The following LIMS1 variants were observed in gnomAD, a reference collection of about 807,000 sequenced individuals.
The protein encoded by LIMS1 is LIM and senescent cell antigen-like-containing domain protein 1.
A neutral mutation model predicts 44.1 loss-of-function variants in LIMS1; 18 were observed. The observed-to-expected ratio is 0.41, with a 90% CI of 0.28 to 0.61. The LOEUF (loss-of-function observed/expected upper bound fraction) is 0.61. LIMS1 is among the 20% of genes least tolerant of loss of function. The pLI is 0.32. For synonymous variants in LIMS1, 93 were observed against 149.1 expected (o/e 0.62, Z 2.74); for missense variants, 201 against 422.0 (o/e 0.48, Z 4.59).
intron 2 of LIMS1, among the ~76,000 whole-genome samples, chr2:108,668,408 CT>C (rs954428820): frequency 6.0e-4 from 91 of 152,180 alleles, no homozygotes; most frequent in African/African-American, 2.1e-3. Flanking sequence ...CTCTATTTTA[CT>C]CTCTATTTCT....
chr2:108,650,771 C>T (rs1403923615), intron 1 of LIMS1, among the ~76,000 whole-genome samples: 1 of 152,190 alleles, frequency 6.6e-6, no homozygotes, highest in Non-Finnish European at 1.5e-5. Flanking sequence ...TCCTTATTCA[C>T]GACATACAAA....
chr2:108,573,291 G>A (rs1003203498), intron 1 of LIMS1, among the ~76,000 whole-genome samples: 6 of 148,424 alleles, frequency 4.0e-5, no homozygotes, highest in Middle Eastern at 3.2e-3. Flanking sequence ...TGCTTCTCCC[G>A]TTTTCTTTTC....
At chr2:108,674,395 A>C (rs1032495708) in intron 5 of LIMS1, among the ~76,000 whole-genome samples, 5 of 152,072 alleles carry the variant, frequency 3.3e-5, no homozygotes, top group Non-Finnish European at 5.9e-5. Context: ...AAATTATAGT[A>C]GGGATGGAGA....
Position 108,534,459 on chromosome 2 carries a change from C to T in LIMS1, c.-104C>T, listed in dbSNP as rs1297089624. On this transcript the variant is annotated 5_prime_UTR_variant, in exon 1 of 10. Transcript: ENST00000544547. ...CCCTGGCCTTCCTCCCCTTCCTGCT[C>T]CGGGCCCGCCAGTAGCCGGCCGCGG... 7 of 962,594 alleles carry T rather than the reference C, an allele frequency of 7.3e-6. No homozygotes were observed. In the Admixed American group the frequency reaches 1.5e-4, roughly 21 times the overall value. The allele number at this position is 962,594 out of a possible 1,614,324, so 59.6% of individuals were successfully genotyped here.
chr2:108,675,833 A>G lies in LIMS1; in HGVS notation c.531-45A>G, dbSNP rs1426414380. 3 of 1,613,478 alleles carry G rather than the reference A, an allele frequency of 1.9e-6. No homozygotes were observed. The African/African-American group carries it at 4.0e-5, about 22-fold the overall frequency. On this transcript the variant is annotated intron_variant, in intron 5 of 9. Coordinates refer to ENST00000544547, the Ensembl canonical transcript of LIMS1. ...AGTGTGCTAGCCCCATTGGTTGGCCACTTTTCTCTCTTAGTATTAAGCTGT... is the reference window on the plus strand; with the variant it reads ...AGTGTGCTAGCCCCATTGGTTGGCCGCTTTTCTCTCTTAGTATTAAGCTGT...
intron 1 of LIMS1, among the ~76,000 whole-genome samples, chr2:108,559,123 G>A (rs1163816250): frequency 6.6e-6 from 1 of 152,138 alleles, no homozygotes; most frequent in East Asian, 1.9e-4. Context: ...AAATTATTCT[G>A]TATGGGATAA....
intron 1 of LIMS1, among the ~76,000 whole-genome samples, chr2:108,629,956 G>GGA (rs1688802283): frequency 1.3e-5 from 2 of 152,190 alleles, no homozygotes; most frequent in African/African-American, 2.4e-5. Flanking sequence ...ACTTTGGGAG[G>GGA]CCAAGCCGGG....
At chr2:108,647,188 T>G (rs957785554) in intron 1 of LIMS1, among the ~76,000 whole-genome samples, 1 of 152,162 alleles carries the variant, frequency 6.6e-6, no homozygotes, top group Non-Finnish European at 1.5e-5. Flanking sequence ...TGTAAACACC[T>G]CTGCACAAAT....
At chr2:108,660,213 C>T (rs1691257847) in intron 2 of LIMS1, 1 of 475,248 alleles carries the variant, frequency 2.1e-6, no homozygotes, top group Non-Finnish European at 4.3e-6. Context: ...TCCACAACTT[C>T]CCAGCCTCGA....
chr2:108,647,694 A>T (rs562418794), intron 1 of LIMS1, among the ~76,000 whole-genome samples: 2 of 152,204 alleles, frequency 1.3e-5, no homozygotes, highest in Non-Finnish European at 2.9e-5. Context: ...CATCACATAA[A>T]CAGAACCAAT....
rs551605062 is a variant in LIMS1 at position 108,625,577 on chromosome 2, T to TC, written c.33-34018dup. 9.4e-3 allele frequency among the ~76,000 whole-genome samples: 1,293 copies of TC among 137,274 alleles called. 10 individuals are homozygous for TC. Among genetic ancestry groups the TC allele is most frequent in the South Asian group, 0.037 (155 of 4,236 alleles). 90.1% of individuals were successfully genotyped at this position (137,274 alleles called of 152,430 possible). A position where few individuals can be genotyped will look rare whatever the true frequency, so the allele number is the denominator to read the frequency against. On this transcript the variant is annotated intron_variant, in intron 1 of 9. Transcript: ENST00000544547. Reference sequence around the variant, plus strand: ...GTCAGCCATTTGAAAAGAATATGAATCCCCCCCCCCAAAAAAATGCAGTTT... The same window carrying TC: ...GTCAGCCATTTGAAAAGAATATGAATCCCCCCCCCCCAAAAAAATGCAGTTT...
intron 1 of LIMS1, among the ~76,000 whole-genome samples, chr2:108,637,599 C>T (rs1689365062): frequency 6.6e-6 from 1 of 152,222 alleles, no homozygotes; most frequent in Non-Finnish European, 1.5e-5. Flanking sequence ...CCTAAGTCAG[C>T]ATTCCTAGCT....
chr2:108,686,586 A>C (rs1693319545), exon 10 of LIMS1: 1 of 151,618 alleles, frequency 6.6e-6, no homozygotes, highest in African/African-American at 2.4e-5. Context: ...CCTGGCTAAC[A>C]AGGTGAAACC....
chr2:108,535,518 T>A (rs967432247), intron 1 of LIMS1, among the ~76,000 whole-genome samples: 1 of 152,226 alleles, frequency 6.6e-6, no homozygotes, highest in Non-Finnish European at 1.5e-5. Flanking sequence ...TGAATGCAGC[T>A]GTTACCCATT....
intron 9 of LIMS1, among the ~76,000 whole-genome samples, chr2:108,682,568 A>G (rs1693080872): frequency 6.6e-6 from 1 of 152,178 alleles, no homozygotes; most frequent in African/African-American, 2.4e-5. Flanking sequence ...AAACAGGAAT[A>G]ATTTTTTTCT....
At chr2:108,685,274 C>G (rs1260717838) in exon 10 of LIMS1, 3 of 152,046 alleles carry the variant, frequency 2.0e-5, no homozygotes, top group African/African-American at 7.2e-5. Flanking sequence ...ATTAGTGATT[C>G]TATTTTTATC....
chr2:108,577,391 A>G (rs753070652), intron 1 of LIMS1, among the ~76,000 whole-genome samples: 4 of 152,184 alleles, frequency 2.6e-5, no homozygotes, highest in African/African-American at 4.8e-5. Flanking sequence ...GAATATTGCA[A>G]TATGTTTTGT....
intron 1 of LIMS1, among the ~76,000 whole-genome samples, chr2:108,599,260 T>C (rs540395864): frequency 2.1e-4 from 32 of 152,308 alleles, no homozygotes; most frequent in African/African-American, 7.5e-4. Flanking sequence ...TTTTGATTTT[T>C]AGATCCCAAA....
At chr2:108,608,841 C>G (rs907087359) in intron 1 of LIMS1, among the ~76,000 whole-genome samples, 1 of 152,262 alleles carries the variant, frequency 6.6e-6, no homozygotes, top group Non-Finnish European at 1.5e-5. Flanking sequence ...GGATACCGCT[C>G]ATTTCACAGG....
Sources: allele counts gnomAD v4.1 joint callset (sites outside exome capture counted in the v4.1 genomes callset), GRCh38; gene constraint gnomAD v4.1.1; transcripts MANE v1.5; gene names NCBI Gene and HGNC (gene_info 2026-07-23, HGNC 2026-07-21).